Variants in USP39 observed in about 807,000 individuals in gnomAD.
USP39 encodes ubiquitin carboxyl-terminal hydrolase 39.
A neutral mutation model predicts 66.4 loss-of-function variants in USP39; 38 were observed. That is an observed-to-expected ratio of 0.57 (90% CI 0.44 to 0.75). USP39 has a LOEUF of 0.75. USP39 is among the 30% of genes least tolerant of loss of function. The pLI, the probability that USP39 is intolerant of heterozygous loss-of-function variation, is 0.00. For missense variants in USP39, 608 were observed against 714.4 expected (o/e 0.85, Z 1.70); for synonymous variants, 303 against 274.6 (o/e 1.10, Z -1.02).
chr2:85,632,601 C>T (rs1675442574), intron 6 of USP39, among the ~76,000 whole-genome samples: 1 of 151,920 alleles, frequency 6.6e-6, no homozygotes, highest in Non-Finnish European at 1.5e-5. Flanking sequence ...GTGCGTGCCA[C>T]CATGCCCAGC....
chr2:85,645,743 G>T (rs1676595653), intron 11 of USP39: 1 of 152,252 alleles, frequency 6.6e-6, no homozygotes, highest in African/African-American at 2.4e-5. Context: ...CAGCATTAAG[G>T]TTAAAGGCTC....
rs148686087 is a variant in USP39, at chr2:85,647,441, C to T, written c.1564-489C>T. Reference sequence around the variant, plus strand: ...ATCCTAGCACTTTAGGAGGCTGAGGCGGGAGGATCTTTTGAGACCAGGAGT... The same window carrying T: ...ATCCTAGCACTTTAGGAGGCTGAGGTGGGAGGATCTTTTGAGACCAGGAGT... On this transcript the variant is annotated intron_variant, in intron 11 of 12. Coordinates refer to ENST00000323701, the MANE Select transcript of USP39 (RefSeq NM_006590.4). 1.4e-3 allele frequency among the ~76,000 whole-genome samples: 209 copies of T among 151,886 alleles called. 2 individuals carry two copies. The highest frequency in any genetic ancestry group is 4.8e-3 in the African/African-American group (199 of 41,406).
intron 1 of USP39, chr2:85,603,193 C>T (rs184083497): frequency 6.6e-6 from 1 of 152,322 alleles, no homozygotes; most frequent in Non-Finnish European, 1.5e-5. Context: ...TTAAGAAATC[C>T]AAGCGCCTGG....
In USP39 at chr2:85,616,205, C is replaced by A; in HGVS notation, c.10C>A (p.Arg4=). ...TCGGCCGGTAGTGGAGATGTCCGGC[C>A]GGTCTAAGCGGGAGTCTCGCGGTTC... is the stretch of plus-strand genomic sequence containing the variant. MSG[R]SKRESRGSTR... Residue 4 remains arginine, a synonymous_variant, in exon 1 of 13, where the codon CGG becomes AGG. Coordinates refer to ENST00000323701, the MANE Select transcript of USP39 (RefSeq NM_006590.4). 1 of 1,453,866 alleles carries A rather than the reference C, an allele frequency of 6.9e-7. No individual in the cohort carries two copies. Among genetic ancestry groups the A allele is most frequent in the Non-Finnish European group, 9.1e-7 (1 of 1,102,522 alleles). 90.1% of individuals were successfully genotyped at this position (1,453,866 alleles called of 1,614,324 possible).
At chr2:85,612,133 C>G (rs1673595283), upstream of USP39, 1 of 896,340 alleles carries the variant, frequency 1.1e-6, no homozygotes, top group African/African-American at 1.7e-5. Context: ...AGCGATGCAG[C>G]GCACGGAGTT....
At chr2:85,608,512 C>T (rs1673299504), upstream of USP39, 1 of 154,760 alleles carries the variant, frequency 6.5e-6, no homozygotes, top group Admixed American at 6.5e-5. Flanking sequence ...GGTCTATAAA[C>T]ACATGGGTGG....
At chr2:85,618,891 TC>T (rs1284081472) in intron 1 of USP39, among the ~76,000 whole-genome samples, 1 of 152,188 alleles carries the variant, frequency 6.6e-6, no homozygotes, top group Admixed American at 6.5e-5. Context: ...TGCCTCAACT[TC>T]CTGAATAGCT....
At chr2:85,605,056 TAA>T (rs1310814041) in intron 1 of USP39, among the ~76,000 whole-genome samples, 5 of 152,182 alleles carry the variant, frequency 3.3e-5, no homozygotes, top group Admixed American at 1.3e-4. Flanking sequence ...CAGATGTCTT[TAA>T]AAAGACCTTC....
chr2:85,625,387 T>G (rs1674776137), intron 4 of USP39, 152 bp from the exon 5 acceptor site: 5 of 926,140 alleles, frequency 5.4e-6, no homozygotes, highest in South Asian at 4.6e-5. Flanking sequence ...TCCGTGTTAC[T>G]TCAATCTTTA....
chr2:85,636,389 T>G (rs1433124593), intron 7 of USP39, among the ~76,000 whole-genome samples: 3 of 152,192 alleles, frequency 2.0e-5, no homozygotes, highest in African/African-American at 7.2e-5. Flanking sequence ...CCCATTCTTT[T>G]GTTAACTGTT....
At chr2:85,613,155 T>C (rs1391744125), upstream of USP39, among the ~76,000 whole-genome samples, 1 of 151,848 alleles carries the variant, frequency 6.6e-6, no homozygotes. Flanking sequence ...AGGGAGGAAT[T>C]TGAGACCAGC....
chr2:85,607,175 A>C (rs972319124), upstream of USP39: 1 of 152,208 alleles, frequency 6.6e-6, no homozygotes. Context: ...AACAGACCTC[A>C]AATGTATTTC....
At chr2:85,616,959 G>A (rs185642901) in intron 1 of USP39, among the ~76,000 whole-genome samples, 2 of 152,080 alleles carry the variant, frequency 1.3e-5, no homozygotes, top group African/African-American at 4.8e-5. Context: ...CAAAGTGCTG[G>A]GATTACAGGC....
intron 10 of USP39, among the ~76,000 whole-genome samples, chr2:85,643,289 G>C (rs1171599908): frequency 4.6e-5 from 7 of 151,988 alleles, no homozygotes; most frequent in Non-Finnish European, 1.0e-4. Context: ...AGGAGATCGA[G>C]ACCATCCTGG....
In USP39 at chr2:85,641,060, T is replaced by G; in HGVS notation, c.1369T>G (p.Phe457Val). 1 of 1,613,884 alleles carries G rather than the reference T, an allele frequency of 6.2e-7. No individual in the cohort carries two copies. Among genetic ancestry groups the G allele is most frequent in the Non-Finnish European group, 8.5e-7 (1 of 1,179,952 alleles). The change falls in exon 10 of 13, where the codon TTC becomes GTC. Residue 457 changes from phenylalanine (F) to valine (V), a missense_variant. Physicochemically the swap from Phe to Val is conservative, Grantham distance 50. This residue lies in a region of USP39 where 164 missense variants were observed against 250.3 expected (regional missense o/e 0.66). Transcript: ENST00000323701. The stretch of plus-strand genomic sequence containing the variant: ...ATATCTAATCTTTTGTATCAAGAGA[T>G]TCACTAAGAACAACTTCTTTGTTGA... Reference protein sequence around the residue: ...PPYLIFCIKRFTKNNFFVEKN... With the variant: ...PPYLIFCIKRVTKNNFFVEKN...
chr2:85,612,041 G>A (rs1673586539), upstream of USP39: 6 of 1,260,854 alleles, frequency 4.8e-6, no homozygotes, highest in African/African-American at 3.1e-5. Context: ...ACAGCCACCC[G>A]CCCACAGAGC....
At chr2:85,612,019 A>ACGGCCCCAACAACAGCCAC, upstream of USP39, 1 of 1,421,952 alleles carries the variant, frequency 7.0e-7, no homozygotes, top group South Asian at 1.4e-5. Flanking sequence ...CGCCGCCTCG[A>ACGGCCCCAACAACAGCCAC]CGGCCCCAAC....
At chr2:85,619,147 C>A in intron 1 of USP39, 73 bp from the exon 2 acceptor site, 1 of 1,522,718 alleles carries the variant, frequency 6.6e-7, no homozygotes, top group Non-Finnish European at 9.0e-7. Context: ...ATTTCTGTTT[C>A]TTTTTTTGTT....
intron 6 of USP39, among the ~76,000 whole-genome samples, chr2:85,632,285 C>T (rs1436382455): frequency 6.6e-6 from 1 of 152,052 alleles, no homozygotes; most frequent in Non-Finnish European, 1.5e-5. Context: ...GTTGAGTGTG[C>T]TGGCAGAAGC....
Sources: allele counts gnomAD v4.1 joint callset (sites outside exome capture counted in the v4.1 genomes callset), GRCh38; gene constraint gnomAD v4.1.1; regional missense constraint gnomAD v4.1.1; transcripts MANE v1.5; gene names NCBI Gene and HGNC (gene_info 2026-07-23, HGNC 2026-07-21).